CD38: variants seen among roughly 807,000 people sequenced by gnomAD.
The protein encoded by CD38 is CD38 molecule.
In CD38, 31 loss-of-function variants were observed where a neutral mutation model predicts 36.3. The observed-to-expected ratio is 0.85, with a 90% CI of 0.64 to 1.15. The LOEUF (loss-of-function observed/expected upper bound fraction) is 1.15. Among genes scored for constraint, CD38 ranks in the 50% most tolerant of loss-of-function variants. The pLI is 0.00. For synonymous variants in CD38, 131 were observed against 135.2 expected (o/e 0.97, Z 0.22); for missense variants, 380 against 371.9 (o/e 1.02, Z -0.18).
rs1560303827 is a variant in CD38 at position 15,780,532 on chromosome 4, A to ACACACACACACACACACACACACACG, written c.233+1910_233+1911insGCACACACACACACACACACACACAC. On this transcript the variant is annotated intron_variant, in intron 1 of 7. Transcript: ENST00000226279. ...TATTCTCTCTCTCACACACACACAC[A>ACACACACACACACACACACACACACG]CACACACACACACACACACACACAC... is the stretch of plus-strand genomic sequence containing the variant. Among the ~76,000 whole-genome samples the ACACACACACACACACACACACACACG allele has an allele frequency of 4.0e-3, 586 of 145,718 alleles. 12 individuals carry two copies. The highest frequency in any genetic ancestry group is 0.014 in the African/African-American group (551 of 38,206).
chr4:15,839,333 C>G (rs939748168), intron 5 of CD38, among the ~76,000 whole-genome samples: 4 of 151,160 alleles, frequency 2.6e-5, no homozygotes, highest in African/African-American at 9.7e-5. Flanking sequence ...GCCTCTCAAA[C>G]TTCACTGAGC....
intron 2 of CD38, among the ~76,000 whole-genome samples, chr4:15,822,165 A>G (rs1723751886): frequency 6.6e-6 from 1 of 152,214 alleles, no homozygotes. Context: ...AAAACTCTCA[A>G]TAAGCTAGGT....
chr4:15,829,923 C>T (rs1324721114), intron 3 of CD38, among the ~76,000 whole-genome samples: 1 of 152,172 alleles, frequency 6.6e-6, no homozygotes, highest in East Asian at 1.9e-4. Context: ...GACAGGAACA[C>T]ATTCTTTTTT....
chr4:15,830,947 C>T (rs559261267), intron 3 of CD38, among the ~76,000 whole-genome samples: 1 of 152,088 alleles, frequency 6.6e-6, no homozygotes, highest in East Asian at 1.9e-4. Flanking sequence ...GTGGTCTTCT[C>T]TTCCTTCTTT....
intron 2 of CD38, among the ~76,000 whole-genome samples, chr4:15,817,339 T>C (rs982668161): frequency 2.0e-5 from 3 of 152,234 alleles, no homozygotes; most frequent in East Asian, 3.8e-4. Context: ...CAAAATTCCA[T>C]GTGCCTAAAA....
intron 3 of CD38, among the ~76,000 whole-genome samples, chr4:15,828,039 G>T (rs1354555361): frequency 6.6e-6 from 1 of 152,114 alleles, no homozygotes; most frequent in East Asian, 1.9e-4. Flanking sequence ...TTTTGAGACA[G>T]GGTCTCACTC....
At chr4:15,841,508 A>G (rs1405485531) in intron 7 of CD38, among the ~76,000 whole-genome samples, 1 of 152,224 alleles carries the variant, frequency 6.6e-6, no homozygotes, top group African/African-American at 2.4e-5. Flanking sequence ...AGGAAAACAG[A>G]AAGAATGAAT....
At chr4:15,782,958 G>A (rs1334021780) in intron 1 of CD38, among the ~76,000 whole-genome samples, 2 of 152,190 alleles carry the variant, frequency 1.3e-5, no homozygotes, top group Non-Finnish European at 2.9e-5. Flanking sequence ...AAGTTTTTTA[G>A]TGTGGGTAGG....
chr4:15,810,955 C>A (rs1723455352), intron 1 of CD38, among the ~76,000 whole-genome samples: 2 of 152,192 alleles, frequency 1.3e-5, no homozygotes, highest in Admixed American at 6.5e-5. Flanking sequence ...CATAATTCAA[C>A]CCCTAGCCCA....
Position 15,778,604 on chromosome 4 carries a change from C to T in CD38, c.190C>T (p.Leu64=). ...CACCAAGCGCTTTCCCGAGACCGTC[C>T]TGGCGCGATGCGTCAAGTACACTGA... The part of the protein sequence containing the change: ...GTTKRFPETV[L]ARCVKYTEIH... The change falls in exon 1 of 8, where the codon CTG becomes TTG. Residue 64 remains leucine (L), a synonymous_variant. Transcript: ENST00000226279. This position sits in a 1 kb window ranked among gnomAD's most constrained non-coding sequence, Gnocchi z 4.9. 1 of 1,613,774 alleles carries T rather than the reference C, an allele frequency of 6.2e-7. No homozygotes were observed. Among genetic ancestry groups the T allele is most frequent in the African/African-American group, 1.3e-5 (1 of 75,034 alleles).
In CD38 at chr4:15,838,090, A is replaced by C. The variant is rs1302023315; in HGVS notation, c.586-2A>C. On this transcript the variant is annotated splice_acceptor_variant, in intron 4 of 7. Coordinates refer to ENST00000226279, the MANE Select transcript of CD38 (RefSeq NM_001775.4). LOFTEE classifies it high-confidence loss of function. Reference sequence around the variant, plus strand: ...TGAATGGTGGGCATTTTTTTTTTTAAGTTTGCAGAAGCTGCCTGTGATGTG... The same window carrying C: ...TGAATGGTGGGCATTTTTTTTTTTACGTTTGCAGAAGCTGCCTGTGATGTG... 6.2e-7 allele frequency: 1 copy of C among 1,609,322 alleles called. No individual in the cohort carries two copies. Among genetic ancestry groups the C allele is most frequent in the East Asian group, 2.2e-5 (1 of 44,848 alleles).
At chr4:15,816,331 A>G (rs1017146001) in intron 1 of CD38, among the ~76,000 whole-genome samples, 180 bp from the exon 2 acceptor site, 2 of 152,196 alleles carry the variant, frequency 1.3e-5, no homozygotes, top group African/African-American at 4.8e-5. Flanking sequence ...ATAGTGTCAG[A>G]AGGAATGGTA....
At chr4:15,827,797 TGTA>T (rs1723881588) in intron 3 of CD38, among the ~76,000 whole-genome samples, 1 of 152,184 alleles carries the variant, frequency 6.6e-6, no homozygotes, top group African/African-American at 2.4e-5. Flanking sequence ...ATTATGTATA[TGTA>T]GTTTTATTTA....
chr4:15,820,559 CTT>C (rs1313632499), intron 2 of CD38, among the ~76,000 whole-genome samples: 3 of 152,040 alleles, frequency 2.0e-5, no homozygotes, highest in Non-Finnish European at 4.4e-5. Context: ...ACAAAACAGA[CTT>C]TAAACCAACA....
chr4:15,845,812 A>T (rs1724258447), intron 7 of CD38, among the ~76,000 whole-genome samples: 1 of 43,456 alleles, frequency 2.3e-5, no homozygotes, highest in Non-Finnish European at 3.7e-5. Context: ...TCCCATTCAC[A>T]ATTGCTTCAA....
At chr4:15,791,438 C>T (rs1400498542) in intron 1 of CD38, among the ~76,000 whole-genome samples, 1 of 18,202 alleles carries the variant, frequency 5.5e-5, no homozygotes, top group Non-Finnish European at 9.1e-5. Context: ...GAAGTGAGGA[C>T]CCCTCTGCCC....
At chr4:15,824,230 G>A (rs1036385135) in intron 2 of CD38, among the ~76,000 whole-genome samples, 6 of 152,048 alleles carry the variant, frequency 3.9e-5, no homozygotes, top group South Asian at 2.1e-4. Context: ...GTTAATAGGT[G>A]CAGCAAACCC....
intron 1 of CD38, among the ~76,000 whole-genome samples, chr4:15,809,063 A>T (rs936232676): frequency 1.3e-5 from 2 of 152,192 alleles, no homozygotes; most frequent in African/African-American, 4.8e-5. Flanking sequence ...TAAACTGGAG[A>T]TAATAGGTAT....
rs868230362 is a variant in CD38 at position 15,791,038 on chromosome 4, G to A, written c.233+12391G>A. ...CGCCCGGCAGCCACCCCGTCCGGGA[G>A]GGAGGTGGGGGGGGGTCAGCCCCCC... On this transcript the variant is annotated intron_variant, in intron 1 of 7. Transcript: ENST00000226279. Among the ~76,000 whole-genome samples the A allele has an allele frequency of 6.6e-3, 912 of 139,090 alleles. 8 individuals are homozygous for A. Among genetic ancestry groups the A allele is most frequent in the African/African-American group, 0.022 (773 of 35,082 alleles). The allele number at this position is 139,090 out of a possible 152,430, so 91.2% of individuals were successfully genotyped here.
Sources: allele counts gnomAD v4.1 joint callset (sites outside exome capture counted in the v4.1 genomes callset), GRCh38; gene constraint gnomAD v4.1.1; non-coding constraint Gnocchi (gnomAD v3.1); transcripts MANE v1.5; gene names NCBI Gene and HGNC (gene_info 2026-07-23, HGNC 2026-07-21).